The following SCD5 variants were observed in gnomAD, a reference collection of about 807,000 sequenced individuals.
The protein encoded by SCD5 is acyl-CoA-desaturase 4.
Under a neutral mutation model 30.4 loss-of-function variants are expected in SCD5, and 20 were observed. That is an observed-to-expected ratio of 0.66 (90% confidence interval 0.46 to 0.96). The LOEUF is 0.96. Among genes scored for constraint, SCD5 ranks in the 40% least tolerant of loss-of-function variants. The probability of loss-of-function intolerance (pLI) is 0.00; values close to 1 mark genes in which losing one functional copy is unlikely to be tolerated. For synonymous variants in SCD5, 173 were observed against 176.4 expected, an observed-to-expected ratio of 0.98 and a Z score of 0.16; for missense variants, 381 against 443.3, an observed-to-expected ratio of 0.86 and a Z score of 1.26.
chr4:82,759,823 C>T (rs905394138), intron 1 of SCD5, among the ~76,000 whole-genome samples: 1 of 152,068 alleles, frequency 6.6e-6, no homozygotes, highest in Non-Finnish European at 1.5e-5. Context: ...GGGCAAGAAC[C>T]TTCTTATCCT....
At chr4:82,747,164 G>A (rs1470187096) in intron 1 of SCD5, among the ~76,000 whole-genome samples, 1 of 151,690 alleles carries the variant, frequency 6.6e-6, no homozygotes, top group Non-Finnish European at 1.5e-5. Flanking sequence ...CTGGCGAGGG[G>A]GAAAGGGAAC....
In SCD5 at chr4:82,777,674, T is replaced by C. The variant is rs115124908; in HGVS notation, c.232+20632A>G. ...ATTTTGTACTGGGCCCTATAAATTATGTAGCTGGTCCTGCTTCTGGGAAAG... is the reference window on the plus strand; with the variant it reads ...ATTTTGTACTGGGCCCTATAAATTACGTAGCTGGTCCTGCTTCTGGGAAAG... On this transcript the variant is annotated intron_variant, in intron 1 of 4. Transcript: ENST00000319540. 3.1e-3 allele frequency among the ~76,000 whole-genome samples: 467 copies of C among 152,324 alleles called. 2 individuals carry two copies. Among genetic ancestry groups the C allele is most frequent in the African/African-American group, 0.01 (436 of 41,572 alleles).
At chr4:82,781,276 C>T (rs868533535) in intron 1 of SCD5, among the ~76,000 whole-genome samples, 70 of 152,026 alleles carry the variant, frequency 4.6e-4, no homozygotes, top group African/African-American at 1.6e-3. Flanking sequence ...ATTAGTCAGG[C>T]GTGGCGGCGT....
intron 1 of SCD5, among the ~76,000 whole-genome samples, chr4:82,706,164 C>G (rs2148827742): frequency 6.6e-6 from 1 of 152,102 alleles, no homozygotes; most frequent in Admixed American, 6.6e-5. Context: ...AGTCATTTTC[C>G]TTGTCATCCC....
chr4:82,731,612 C>T (rs1373555216), intron 1 of SCD5, among the ~76,000 whole-genome samples: 1 of 152,194 alleles, frequency 6.6e-6, no homozygotes, highest in African/African-American at 2.4e-5. Context: ...AGAAGCAGAA[C>T]CCTTATTTCG....
intron 1 of SCD5, among the ~76,000 whole-genome samples, chr4:82,745,402 C>T (rs1191327104): frequency 2.6e-5 from 4 of 152,176 alleles, no homozygotes; most frequent in African/African-American, 7.2e-5. Context: ...TGGGTGAGCA[C>T]GGCTCAGAAC....
intron 1 of SCD5, among the ~76,000 whole-genome samples, chr4:82,744,098 T>A (rs1345677508): frequency 6.6e-6 from 1 of 152,196 alleles, no homozygotes; most frequent in East Asian, 1.9e-4. Flanking sequence ...ATTGCTGGGA[T>A]TACAGGTGTG....
chr4:82,700,034 C>T (rs1003528811), intron 2 of SCD5, among the ~76,000 whole-genome samples: 36 of 151,724 alleles, frequency 2.4e-4, no homozygotes, highest in African/African-American at 7.0e-4. Flanking sequence ...CTGACCAACA[C>T]GGTGAAACCT....
At chr4:82,698,940 T>C (rs1217098025) in intron 2 of SCD5, among the ~76,000 whole-genome samples, 2 of 152,346 alleles carry the variant, frequency 1.3e-5, no homozygotes, top group Non-Finnish European at 2.9e-5. Flanking sequence ...ATATACACGT[T>C]ATGAGGACAG....
intron 1 of SCD5, among the ~76,000 whole-genome samples, chr4:82,725,760 T>C (rs973294537): frequency 6.6e-6 from 1 of 152,064 alleles, no homozygotes; most frequent in Admixed American, 6.5e-5. Context: ...CCCAGAAGGC[T>C]GAGGTGGGAA....
chr4:82,752,275 A>ATATG (rs1223748290), intron 1 of SCD5, among the ~76,000 whole-genome samples: 13 of 148,682 alleles, frequency 8.7e-5, no homozygotes. Context: ...TTAAAAAATT[A>ATATG]TATATATATA....
chr4:82,675,665 T>A (rs757571508), intron 3 of SCD5, among the ~76,000 whole-genome samples: 1 of 152,250 alleles, frequency 6.6e-6, no homozygotes, highest in African/African-American at 2.4e-5. Context: ...TCTAGAGGAA[T>A]GTCTTCCCTA....
chr4:82,702,238 G>C (rs185344163), intron 2 of SCD5, among the ~76,000 whole-genome samples: 1 of 130,658 alleles, frequency 7.7e-6, no homozygotes. Context: ...TCTGCCTCCC[G>C]AATTCAAGTG....
chr4:82,723,077 C>A (rs1309934356), intron 1 of SCD5, among the ~76,000 whole-genome samples: 907 of 88,942 alleles, frequency 0.01, no homozygotes, highest in South Asian at 0.016. Context: ...AACTCTGTCT[C>A]AAAAAAAAAA....
At chr4:82,798,210 G>A (rs1220762869) in intron 1 of SCD5, 96 bp downstream of exon 1, 3 of 1,148,618 alleles carry the variant, frequency 2.6e-6, no homozygotes, top group Non-Finnish European at 3.2e-6. Context: ...GGGTCGCTGC[G>A]CACCGCCCGC....
At chr4:82,712,411 G>A (rs1051868703) in intron 1 of SCD5, among the ~76,000 whole-genome samples, 8 of 146,802 alleles carry the variant, frequency 5.4e-5, no homozygotes, top group South Asian at 2.2e-4. Flanking sequence ...TCTGCCTCCC[G>A]GGTTCAAGCC....
chr4:82,797,277 G>T (rs1722245703), intron 1 of SCD5, among the ~76,000 whole-genome samples: 1 of 152,252 alleles, frequency 6.6e-6, no homozygotes, highest in African/African-American at 2.4e-5. Context: ...AGGGAAACGG[G>T]AGCTGGAAGG....
At chr4:82,719,762 C>G (rs1720324900) in intron 1 of SCD5, among the ~76,000 whole-genome samples, 1 of 150,666 alleles carries the variant, frequency 6.6e-6, no homozygotes, top group Non-Finnish European at 1.5e-5. Flanking sequence ...CTCGGCCTCC[C>G]AAAGTGCTGG....
intron 1 of SCD5, among the ~76,000 whole-genome samples, chr4:82,718,463 C>T (rs1159499294): frequency 2.0e-5 from 3 of 151,724 alleles, no homozygotes; most frequent in Non-Finnish European, 4.4e-5. Flanking sequence ...GGTGTGAACC[C>T]AGTGGATTCT....
Sources: gnomAD v4.1 joint callset for allele counts (sites outside exome capture counted in the v4.1 genomes callset) on GRCh38, gnomAD v4.1.1 for gene constraint, MANE v1.5 for transcripts, NCBI Gene and HGNC (gene_info 2026-07-23, HGNC 2026-07-21) for gene names.